ZRSR2: variants seen among roughly 807,000 people sequenced by gnomAD.
The protein encoded by ZRSR2 is U2 small nuclear ribonucleoprotein auxiliary factor 35 kDa subunit-related protein 2.
Under a neutral mutation model 39.4 loss-of-function variants are expected in ZRSR2, and 3 were observed. The observed-to-expected ratio is 0.08, with a 90% confidence interval of 0.03 to 0.20. The LOEUF is 0.20. ZRSR2 is among the 10% of genes least tolerant of loss of function. The pLI, the probability that ZRSR2 is intolerant of heterozygous loss-of-function variation, is 1.00. For synonymous variants in ZRSR2, 137 were observed against 136.0 expected (o/e 1.01, Z -0.05); for missense variants, 256 against 391.5 (o/e 0.65, Z 2.92).
At chrX:15,818,775 GT>G in intron 9 of ZRSR2, 133 bp downstream of exon 9, 1 of 576,631 alleles carries the variant, frequency 1.7e-6, no homozygotes, top group Non-Finnish European at 2.6e-6. Context: ...TTTTTATTTT[GT>G]TTTTTTCTTT....
intron 10 of ZRSR2, 28 bp from the exon 11 acceptor site, chrX:15,822,703 G>C (rs1304676617): frequency 3.3e-6 from 4 of 1,210,772 alleles, no homozygotes; most frequent in Non-Finnish European, 4.5e-6. Flanking sequence ...GCAGTGATAA[G>C]TGCTGTTTCA....
chrX:15,814,455 C>A (rs984642019), intron 7 of ZRSR2, among the ~76,000 whole-genome samples: 14 of 111,203 alleles, frequency 1.3e-4, no homozygotes, highest in Non-Finnish European at 1.7e-4. Context: ...ATAGCGAGAC[C>A]CCGTCCCTAC....
chrX:15,809,018 A>G (rs1044929291), intron 6 of ZRSR2, among the ~76,000 whole-genome samples, 182 bp from the exon 7 acceptor site: 1 of 112,217 alleles, frequency 8.9e-6, no homozygotes, highest in Non-Finnish European at 1.9e-5. Flanking sequence ...GCCAAGAGAG[A>G]CATGGAGCTC....
In ZRSR2 at chrX:15,822,607, A is replaced by G. The variant is rs1028844778; in HGVS notation, c.938-124A>G. ...ATCAATTTATGTAAGCCCCTTTTAC[A>G]TAATACACAGTAGAAAATAGTTCTA... On this transcript the variant is annotated intron_variant, in intron 10 of 10. Transcript: ENST00000307771. The G allele has an allele frequency of 2.7e-6, 3 of 1,126,851 alleles. No individual in the cohort carries two copies. The African/African-American group carries it at 5.5e-5, about 20-fold the overall frequency. 92.9% of individuals were successfully genotyped at this position (1,126,851 alleles called of 1,213,427 possible).
intron 9 of ZRSR2, 138 bp from the exon 10 acceptor site, chrX:15,820,069 T>C: frequency 1.8e-6 from 1 of 548,251 alleles, no homozygotes; most frequent in Non-Finnish European, 3.0e-6. Flanking sequence ...TTGACCATTT[T>C]AATGACTCTT....
intron 2 of ZRSR2, among the ~76,000 whole-genome samples, chrX:15,793,886 C>T (rs182333461): frequency 1.1e-3 from 124 of 112,201 alleles, no homozygotes; most frequent in Non-Finnish European, 2.0e-3. Flanking sequence ...TAAACATTAC[C>T]CAGAAGGCTA....
intron 8 of ZRSR2, among the ~76,000 whole-genome samples, 191 bp downstream of exon 8, chrX:15,816,081 A>G (rs189852847): frequency 1.8e-5 from 2 of 111,971 alleles, no homozygotes; most frequent in African/African-American, 6.5e-5. Flanking sequence ...AATCATAAAC[A>G]TATATTAGCA....
intron 3 of ZRSR2, 120 bp from the exon 4 acceptor site, chrX:15,803,568 A>T: frequency 1.0e-6 from 1 of 961,023 alleles, no homozygotes; most frequent in Non-Finnish European, 1.4e-6. Flanking sequence ...CTGCTTTAAT[A>T]GAAAATAGCT....
intron 7 of ZRSR2, among the ~76,000 whole-genome samples, chrX:15,814,076 C>CAA (rs11426665): frequency 0.013 from 887 of 70,061 alleles, 5 homozygotes; most frequent in African/African-American, 0.017. Flanking sequence ...CTCCCCTCGC[C>CAA]AAAAAAAAAA....
At chrX:15,798,339 T>G (rs1197907422) in intron 2 of ZRSR2, among the ~76,000 whole-genome samples, 1 of 112,233 alleles carries the variant, frequency 8.9e-6, no homozygotes, top group Non-Finnish European at 1.9e-5. Context: ...CTATTAAAAG[T>G]TGTTTTTTCA....
chrX:15,796,272 A>C (rs1932456014), intron 2 of ZRSR2, among the ~76,000 whole-genome samples: 1 of 112,148 alleles, frequency 8.9e-6, no homozygotes, highest in Non-Finnish European at 1.9e-5. Flanking sequence ...GATGTTATTC[A>C]AGGTTTACCA....
intron 2 of ZRSR2, among the ~76,000 whole-genome samples, chrX:15,799,227 G>A (rs1178404237): frequency 9.2e-6 from 1 of 108,476 alleles, no homozygotes; most frequent in African/African-American, 3.4e-5. Flanking sequence ...CCATTGGAAA[G>A]CATTGCATTT....
chrX:15,792,546 A>G (rs1410257349), intron 2 of ZRSR2, among the ~76,000 whole-genome samples: 1 of 112,685 alleles, frequency 8.9e-6, no homozygotes, highest in Non-Finnish European at 1.9e-5. Context: ...TGCTCCTCAC[A>G]ATATGTATAT....
intron 7 of ZRSR2, 30 bp from the exon 8 acceptor site, chrX:15,815,647 A>G: frequency 8.8e-7 from 1 of 1,131,793 alleles, no homozygotes; most frequent in Non-Finnish European, 1.2e-6. Flanking sequence ...CTATTGGCCT[A>G]GTGAATTTAA....
chrX:15,808,538 C>T (rs1401398998), intron 6 of ZRSR2, among the ~76,000 whole-genome samples: 2 of 111,111 alleles, frequency 1.8e-5, no homozygotes, highest in East Asian at 2.8e-4. Context: ...CTCCAGTGGA[C>T]GGTTTACCTT....
At chrX:15,790,777 CG>C in intron 1 of ZRSR2, 156 bp from the exon 2 acceptor site, 1 of 594,108 alleles carries the variant, frequency 1.7e-6, no homozygotes, top group Non-Finnish European at 2.7e-6. Flanking sequence ...GAGGATGAGG[CG>C]ATGATAGATG....
At chrX:15,798,444 A>G (rs921231892) in intron 2 of ZRSR2, among the ~76,000 whole-genome samples, 2 of 112,514 alleles carry the variant, frequency 1.8e-5, no homozygotes, top group Non-Finnish European at 3.7e-5. Context: ...GCCAGTTGTT[A>G]AAGTTTGGCC....
intron 10 of ZRSR2, among the ~76,000 whole-genome samples, chrX:15,820,618 G>T (rs1258618975): frequency 8.9e-6 from 1 of 112,093 alleles, no homozygotes; most frequent in Non-Finnish European, 1.9e-5. Flanking sequence ...AGCCTGAGGA[G>T]TTTACGTCTG....
chrX:15,799,142 C>T (rs1286205934), intron 2 of ZRSR2, among the ~76,000 whole-genome samples: 6 of 103,928 alleles, frequency 5.8e-5, no homozygotes, highest in Non-Finnish European at 9.8e-5. Flanking sequence ...GCCAAGATCG[C>T]GCCATTGCAC....
Sources: gnomAD v4.1 joint callset for allele counts (sites outside exome capture counted in the v4.1 genomes callset) on GRCh38, gnomAD v4.1.1 for gene constraint, MANE v1.5 for transcripts, NCBI Gene and HGNC (gene_info 2026-07-23, HGNC 2026-07-21) for gene names.